The following MAML2 variants were observed in gnomAD, a reference collection of about 807,000 sequenced individuals.
The protein encoded by MAML2 is mastermind-like protein 2.
Under a neutral mutation model 96.1 loss-of-function variants are expected in MAML2, and 22 were observed. That is an observed-to-expected ratio of 0.23 (90% confidence interval 0.16 to 0.33). MAML2 has a LOEUF of 0.33. MAML2 is among the 10% of genes least tolerant of loss of function. The pLI, the probability that MAML2 is intolerant of heterozygous loss-of-function variation, is 1.00. For missense variants in MAML2, 1,367 were observed against 1,392.4 expected, an observed-to-expected ratio of 0.98 and a Z score of 0.29; for synonymous variants, 561 against 521.3, an observed-to-expected ratio of 1.08 and a Z score of -1.04.
chr11:96,235,653 G>T (rs986470322), intron 1 of MAML2, among the ~76,000 whole-genome samples: 3 of 152,188 alleles, frequency 2.0e-5, no homozygotes, highest in Admixed American at 6.5e-5. Flanking sequence ...AAATGTCTGT[G>T]TTCTAAGGGG....
chr11:96,260,091 C>T (rs1383190496), intron 1 of MAML2, among the ~76,000 whole-genome samples: 1 of 152,026 alleles, frequency 6.6e-6, no homozygotes, highest in African/African-American at 2.4e-5. Flanking sequence ...GTGCCACCTT[C>T]CTAAAGGCCA....
chr11:96,219,909 C>A (rs1862108886), intron 1 of MAML2, among the ~76,000 whole-genome samples: 1 of 152,054 alleles, frequency 6.6e-6, no homozygotes, highest in Non-Finnish European at 1.5e-5. Context: ...CAGGTGTGAG[C>A]CAACATACTC....
At chr11:96,201,903 A>C (rs1241646632) in intron 1 of MAML2, among the ~76,000 whole-genome samples, 3 of 150,556 alleles carry the variant, frequency 2.0e-5, no homozygotes, top group African/African-American at 4.9e-5. Flanking sequence ...TGAGCGACAG[A>C]GAGAGACTCC....
chr11:95,999,797 C>A (rs1358058178), intron 2 of MAML2, among the ~76,000 whole-genome samples: 2 of 152,028 alleles, frequency 1.3e-5, no homozygotes, highest in Non-Finnish European at 2.9e-5. Context: ...CCGCAATTTG[C>A]AAAACAAATT....
chr11:96,307,483 C>A (rs1319665772), intron 1 of MAML2, among the ~76,000 whole-genome samples: 1 of 152,182 alleles, frequency 6.6e-6, no homozygotes, highest in Non-Finnish European at 1.5e-5. Context: ...CACTCACAAT[C>A]TTCATACAAA....
At chr11:96,167,184 A>G (rs1216485867) in intron 1 of MAML2, among the ~76,000 whole-genome samples, 2 of 152,152 alleles carry the variant, frequency 1.3e-5, no homozygotes, top group African/African-American at 4.8e-5. Context: ...CATTTGTGTT[A>G]GAAAATAAAG....
chr11:96,300,886 A>G (rs1863376980), intron 1 of MAML2, among the ~76,000 whole-genome samples: 1 of 152,180 alleles, frequency 6.6e-6, no homozygotes, highest in Non-Finnish European at 1.5e-5. Context: ...TGGATTGGCT[A>G]TTGACTCCGG....
At chr11:96,068,318 G>A (rs1859276155) in intron 2 of MAML2, among the ~76,000 whole-genome samples, 1 of 152,076 alleles carries the variant, frequency 6.6e-6, no homozygotes, top group African/African-American at 2.4e-5. Flanking sequence ...AAGAAAGTCT[G>A]ACTTTTCAAA....
chr11:96,145,073 G>A (rs1348644153), intron 1 of MAML2, among the ~76,000 whole-genome samples: 1 of 152,188 alleles, frequency 6.6e-6, no homozygotes, highest in Non-Finnish European at 1.5e-5. Context: ...AGTTTCACAT[G>A]CATTACCTCA....
chr11:96,287,269 A>G (rs1486080560), intron 1 of MAML2, among the ~76,000 whole-genome samples: 1 of 152,252 alleles, frequency 6.6e-6, no homozygotes, highest in African/African-American at 2.4e-5. Flanking sequence ...TCCTTAACAA[A>G]TGACCACAGT....
At chr11:96,301,621 G>C (rs1759879684) in intron 1 of MAML2, among the ~76,000 whole-genome samples, 1 of 152,212 alleles carries the variant, frequency 6.6e-6, no homozygotes, top group South Asian at 2.1e-4. Flanking sequence ...CTCTTCACTA[G>C]AGTTTATACA....
chr11:96,256,742 A>C (rs1234283027), intron 1 of MAML2, among the ~76,000 whole-genome samples: 1 of 152,102 alleles, frequency 6.6e-6, no homozygotes, highest in African/African-American at 2.4e-5. Context: ...TCCACAGTCA[A>C]CTCTTGAGCT....
chr11:96,299,044 C>CAAA (rs71040142), intron 1 of MAML2, among the ~76,000 whole-genome samples: 4 of 80,810 alleles, frequency 4.9e-5, no homozygotes, highest in African/African-American at 2.2e-4. Flanking sequence ...GAGTCCATCT[C>CAAA]AAAAAAAAAA....
In MAML2 at chr11:96,167,271, T is replaced by C. The variant is rs550068980; in HGVS notation, c.514-73754A>G. ...CAAGTGTCTCTAATGGGTCCTCCTT[T>C]TCTATTCCTGTTGGCCTGTGCGGTA... On this transcript the variant is annotated intron_variant, in intron 1 of 4. Transcript: ENST00000524717. Among the ~76,000 whole-genome samples, 64 of 152,264 alleles carry C rather than the reference T, an allele frequency of 4.2e-4. No homozygotes were observed. The South Asian group carries it at 0.013, about 32-fold the overall frequency.
intron 2 of MAML2, among the ~76,000 whole-genome samples, chr11:96,069,242 C>T (rs1317696397): frequency 6.7e-6 from 1 of 148,788 alleles, no homozygotes; most frequent in Non-Finnish European, 1.5e-5. Flanking sequence ...TTCTTCCTTT[C>T]CCTCCCTCCC....
intron 4 of MAML2, 31 bp from the exon 5 acceptor site, chr11:95,979,994 G>A (rs192361116): frequency 4.4e-5 from 68 of 1,551,014 alleles, no homozygotes; most frequent in Admixed American, 2.0e-4. Context: ...TTATTAGTTC[G>A]TAGCAGCATG....
chr11:96,293,577 T>C (rs192535637), intron 1 of MAML2, among the ~76,000 whole-genome samples: 1 of 152,112 alleles, frequency 6.6e-6, no homozygotes, highest in East Asian at 1.9e-4. Flanking sequence ...TAAAAGGAAA[T>C]AGCAACAGTA....
intron 1 of MAML2, among the ~76,000 whole-genome samples, chr11:96,259,783 C>T (rs1243849228): frequency 6.6e-6 from 1 of 152,126 alleles, no homozygotes; most frequent in African/African-American, 2.4e-5. Context: ...GACCTTGACT[C>T]CTTTCAGTAA....
intron 1 of MAML2, among the ~76,000 whole-genome samples, chr11:96,099,181 G>A (rs1288158040): frequency 1.3e-5 from 2 of 151,970 alleles, no homozygotes; most frequent in African/African-American, 2.4e-5. Context: ...AACTTTCCTC[G>A]GGCTATTTTA....
Sources: allele counts gnomAD v4.1 joint callset (sites outside exome capture counted in the v4.1 genomes callset), GRCh38; gene constraint gnomAD v4.1.1; transcripts MANE v1.5; gene names NCBI Gene and HGNC (gene_info 2026-07-23, HGNC 2026-07-21).